PSMA7: variants seen among roughly 807,000 people sequenced by gnomAD.
PSMA7 encodes the protein proteasome 20S subunit alpha 7.
In PSMA7, 5 loss-of-function variants were observed where a neutral mutation model predicts 31.3. The ratio of observed to expected loss-of-function variants is 0.16; its 90% CI spans 0.08 to 0.34. The LOEUF (loss-of-function observed/expected upper bound fraction) is 0.34. Among genes scored for constraint, PSMA7 ranks in the 10% least tolerant of loss-of-function variants. The pLI is 1.00. For missense variants in PSMA7, 217 were observed against 327.5 expected, an observed-to-expected ratio of 0.66 and a Z score of 2.60; for synonymous variants, 155 against 121.9, an observed-to-expected ratio of 1.27 and a Z score of -1.79.
chr20:62,141,499 G>T (rs2056927241), intron 1 of PSMA7, among the ~76,000 whole-genome samples: 1 of 152,224 alleles, frequency 6.6e-6, no homozygotes, highest in Admixed American at 6.5e-5. Flanking sequence ...GCTCACCTAG[G>T]TGCCCAACCT....
chr20:62,140,082 A>G (rs1035301691), intron 2 of PSMA7, among the ~76,000 whole-genome samples, 177 bp from the exon 3 acceptor site: 2 of 152,228 alleles, frequency 1.3e-5, no homozygotes, highest in African/African-American at 4.8e-5. Context: ...AATTGGGTAC[A>G]GATGCTTCTT....
chr20:62,141,053 T>A, intron 1 of PSMA7, 109 bp from the exon 2 acceptor site: 1 of 1,373,576 alleles, frequency 7.3e-7, no homozygotes, highest in Non-Finnish European at 1.0e-6. Flanking sequence ...GTGGATGACT[T>A]AAATTCAAGA....
At position 62,139,213 on chromosome 20, in the gene PSMA7, A is replaced by G. The variant is rs2056912593; in HGVS notation, c.349-16T>C. The G allele has an allele frequency of 6.2e-7, 1 of 1,612,372 alleles. No homozygotes were observed. Among genetic ancestry groups the G allele is most frequent in the Non-Finnish European group, 8.5e-7 (1 of 1,178,832 alleles). Reference sequence around the variant, plus strand: ...GCGTATAACGCTAGCAAGAAAAGAAACAGGTCAGTGCCATCCAATTAAGAA... The same window carrying G: ...GCGTATAACGCTAGCAAGAAAAGAAGCAGGTCAGTGCCATCCAATTAAGAA... On this transcript the variant is annotated splice_polypyrimidine_tract_variant and intron_variant, in intron 3 of 6. Transcript: ENST00000370873.
chr20:62,139,437 G>A (rs2056914084), intron 3 of PSMA7: 3 of 648,514 alleles, frequency 4.6e-6, no homozygotes, highest in Admixed American at 3.0e-5. Flanking sequence ...ACTTTGACAG[G>A]TAGACACACA....
chr20:62,139,926 C>A, intron 2 of PSMA7, 21 bp from the exon 3 acceptor site: 1 of 1,610,730 alleles, frequency 6.2e-7, no homozygotes. Flanking sequence ...AGCAGAGAGG[C>A]TTCTGCTAGA....
intron 4 of PSMA7, among the ~76,000 whole-genome samples, chr20:62,138,628 C>T (rs1243562944): frequency 6.9e-6 from 1 of 144,920 alleles, no homozygotes; most frequent in African/African-American, 2.6e-5. Flanking sequence ...GATCTCGGCT[C>T]ACTGCAACCT....
At chr20:62,140,238 C>T (rs192048036) in intron 2 of PSMA7, among the ~76,000 whole-genome samples, 1 of 152,206 alleles carries the variant, frequency 6.6e-6, no homozygotes, top group Non-Finnish European at 1.5e-5. Context: ...CACAGATCAA[C>T]AGGGACTGTC....
intron 6 of PSMA7, 100 bp from the exon 7 acceptor site, chr20:62,137,049 T>C: frequency 6.8e-7 from 1 of 1,476,876 alleles, no homozygotes; most frequent in Non-Finnish European, 9.2e-7. Flanking sequence ...CTGCTGCTCA[T>C]ACAGCCTCTT....
intron 6 of PSMA7, 66 bp from the exon 7 acceptor site, chr20:62,137,015 G>A: frequency 6.4e-7 from 1 of 1,570,042 alleles, no homozygotes; most frequent in Non-Finnish European, 8.6e-7. Context: ...GCCCTCTTCT[G>A]GGGAGGGCGG....
intron 3 of PSMA7, chr20:62,139,422 A>C: frequency 1.5e-6 from 1 of 666,260 alleles, no homozygotes; most frequent in South Asian, 2.0e-5. Context: ...AGGTTACTGG[A>C]AATTACTTTG....
At chr20:62,138,129 G>A (rs1012565366) in intron 5 of PSMA7, 42 bp downstream of exon 5, 1 of 1,612,856 alleles carries the variant, frequency 6.2e-7, no homozygotes, top group East Asian at 2.2e-5. Flanking sequence ...ACCAAAACGT[G>A]GTATCTTCAC....
Position 62,143,185 on chromosome 20 carries a change from C to T in PSMA7, c.96+23G>A, listed in dbSNP as rs554130271. On this transcript the variant is annotated intron_variant, in intron 1 of 6. Transcript: ENST00000370873. ...CCCACTTCCGCCCGCGTCCCCGGCC[C>T]CGCGCAGGCCCCGCCGCCTCACCGC... 252 of 1,360,214 alleles carry T rather than the reference C, an allele frequency of 1.9e-4. 1 individual carries two copies. The highest frequency in any genetic ancestry group is 2.4e-4 in the Non-Finnish European group (246 of 1,044,136). The allele number at this position is 1,360,214 out of a possible 1,614,324, so 84.3% of individuals were successfully genotyped here. A position where few individuals can be genotyped will look rare whatever the true frequency, so the allele number is the denominator to read the frequency against.
rs757094741 is a variant in PSMA7, at chr20:62,139,212, A to C, written c.349-15T>G. 1 of 1,612,430 alleles carries C rather than the reference A, an allele frequency of 6.2e-7. No homozygotes were observed. Among genetic ancestry groups the C allele is most frequent in the South Asian group, 1.1e-5 (1 of 91,018 alleles). ...TGCGTATAACGCTAGCAAGAAAAGA[A>C]ACAGGTCAGTGCCATCCAATTAAGA... On this transcript the variant is annotated splice_polypyrimidine_tract_variant and intron_variant, in intron 3 of 6. Coordinates refer to ENST00000370873, the MANE Select transcript of PSMA7 (RefSeq NM_002792.4).
chr20:62,139,822 T>C lies in PSMA7; in HGVS notation c.307A>G (p.Thr103Ala). Residue 103 changes from threonine to alanine, a missense_variant, in exon 3 of 7, where the codon ACT (threonine) becomes GCT (alanine). This residue lies in a region of PSMA7 where 53 missense variants were observed against 119.4 expected (regional missense o/e 0.44). Coordinates refer to ENST00000370873, the MANE Select transcript of PSMA7 (RefSeq NM_002792.4). ...SHRLTVEDPV[T>A]VEYITRYIAS... Reference sequence around the variant, plus strand: ...ATGTAGCGGGTGATGTACTCCACAGTGACCGGGTCCTCCACAGTCAGCCGG... The same window carrying C: ...ATGTAGCGGGTGATGTACTCCACAGCGACCGGGTCCTCCACAGTCAGCCGG... The C allele has an allele frequency of 6.2e-7, 1 of 1,614,048 alleles. No homozygotes were observed. Among genetic ancestry groups the C allele is most frequent in the Non-Finnish European group, 8.5e-7 (1 of 1,180,016 alleles).
At position 62,143,274 on chromosome 20, in the gene PSMA7, G is replaced by A; in HGVS notation, c.30C>T (p.Phe10=). The A allele has an allele frequency of 6.8e-7, 1 of 1,477,202 alleles. No homozygotes were observed. Among genetic ancestry groups the A allele is most frequent in the South Asian group, 1.2e-5 (1 of 83,928 alleles). The allele number at this position is 1,477,202 out of a possible 1,614,324, so 91.5% of individuals were successfully genotyped here. MSYDRAITV[F]SPDGHLFQVE... ...CTTGGAAGAGGTGGCCGTCGGGCGAGAAGACGGTGATGGCGCGGTCGTAGC... is the reference window on the plus strand; with the variant it reads ...CTTGGAAGAGGTGGCCGTCGGGCGAAAAGACGGTGATGGCGCGGTCGTAGC... Residue 10 remains phenylalanine (F), a synonymous_variant, in exon 1 of 7, where the codon TTC becomes TTT. Transcript: ENST00000370873.
At position 62,143,318 on chromosome 20, in the gene PSMA7, G is replaced by T; in HGVS notation, c.-15C>A. 3 of 1,384,404 alleles carry T rather than the reference G, an allele frequency of 2.2e-6. No individual in the cohort carries two copies. The highest frequency in any genetic ancestry group is 2.7e-5 in the South Asian group (2 of 74,764). 85.8% of individuals were successfully genotyped at this position (1,384,404 alleles called of 1,614,324 possible). A position where few individuals can be genotyped will look rare whatever the true frequency, so the allele number is the denominator to read the frequency against. On this transcript the variant is annotated 5_prime_UTR_variant, in exon 1 of 7. Transcript: ENST00000370873. ...TCGTAGCTCATGCCGGCGGGCGGCG[G>T]CCGGGCTCCTTCCGCCGCGACTCTC...
At chr20:62,139,333 C>T in intron 3 of PSMA7, 136 bp from the exon 4 acceptor site, 2 of 1,106,258 alleles carry the variant, frequency 1.8e-6, no homozygotes. Context: ...TCAAATGATA[C>T]ATTAGCCAAT....
chr20:62,142,892 C>G (rs2056945146), intron 1 of PSMA7, among the ~76,000 whole-genome samples: 2 of 150,882 alleles, frequency 1.3e-5, no homozygotes, highest in Admixed American at 1.3e-4. Flanking sequence ...GACCCACGCG[C>G]CCGGCCGGGG....
At position 62,136,848 on chromosome 20, in the gene PSMA7, T is replaced by C. The variant is rs778955706; in HGVS notation, c.*9A>G. 12 of 1,591,786 alleles carry C rather than the reference T, an allele frequency of 7.5e-6. No homozygotes were observed. Among genetic ancestry groups the C allele is most frequent in the Non-Finnish European group, 9.4e-6 (11 of 1,173,270 alleles). ...AATTTAAAAATTACAAGCAAAGACATTTTATTCATCATGATGCTTTCTTTT... is the reference window on the plus strand; with the variant it reads ...AATTTAAAAATTACAAGCAAAGACACTTTATTCATCATGATGCTTTCTTTT... On this transcript the variant is annotated 3_prime_UTR_variant, in exon 7 of 7. Coordinates refer to ENST00000370873, the MANE Select transcript of PSMA7 (RefSeq NM_002792.4).
Sources: gnomAD v4.1 joint callset for allele counts (sites outside exome capture counted in the v4.1 genomes callset) on GRCh38, gnomAD v4.1.1 for gene constraint, gnomAD v4.1.1 regional missense constraint, MANE v1.5 for transcripts, NCBI Gene and HGNC (gene_info 2026-07-23, HGNC 2026-07-21) for gene names.